Variants in STX5 observed in about 807,000 individuals in gnomAD.
The protein encoded by STX5 is syntaxin-5.
STX5 carries 15 observed loss-of-function variants against 42.9 expected under a neutral mutation model. The ratio of observed to expected loss-of-function variants is 0.35; its 90% CI spans 0.23 to 0.54. The LOEUF (loss-of-function observed/expected upper bound fraction) is 0.54. Among genes scored for constraint, STX5 ranks in the 20% least tolerant of loss-of-function variants. The probability of loss-of-function intolerance (pLI) is 0.91; values close to 1 mark genes in which losing one functional copy is unlikely to be tolerated. For missense variants in STX5, 430 were observed against 455.0 expected (o/e 0.95, Z 0.50); for synonymous variants, 184 against 173.2 (o/e 1.06, Z -0.49).
At position 62,816,896 on chromosome 11, in the gene STX5, A is replaced by T. The variant is rs186108997; in HGVS notation, c.908+7270T>A. 2.2e-4 allele frequency among the ~76,000 whole-genome samples: 33 copies of T among 151,940 alleles called. No individual in the cohort carries two copies. The East Asian group carries it at 6.4e-3, about 30-fold the overall frequency. On this transcript the variant is annotated intron_variant, in intron 10 of 10. Coordinates refer to ENST00000294179, the MANE Select transcript of STX5 (RefSeq NM_003164.5). ...GCAACACAGCAAGACTCTGTCTCAA[A>T]AAAAAGAAAGAAAGAGCTGTCTATT...
intron 2 of STX5, 93 bp from the exon 3 acceptor site, chr11:62,827,724 G>T: frequency 7.8e-7 from 1 of 1,281,274 alleles, no homozygotes. Context: ...CCTATCTCTA[G>T]TGCTGGTGGC....
intron 10 of STX5, among the ~76,000 whole-genome samples, chr11:62,820,228 C>T (rs1277393761): frequency 4.0e-5 from 6 of 151,120 alleles, no homozygotes; most frequent in South Asian, 4.2e-4. Context: ...AAAAATTAGC[C>T]GGGCGTGGTG....
chr11:62,814,156 A>G lies in STX5; in HGVS notation c.909-6528T>C, dbSNP rs573155143. 5.3e-5 allele frequency among the ~76,000 whole-genome samples: 8 copies of G among 152,252 alleles called. No individual in the cohort carries two copies. The East Asian group carries it at 1.2e-3, about 22-fold the overall frequency. On this transcript the variant is annotated intron_variant, in intron 10 of 10. Coordinates refer to ENST00000294179, the MANE Select transcript of STX5 (RefSeq NM_003164.5). ...TTAAAGCCTATAGCGATGCTCAGAAAAGAGGAAGAATTTAATTAATTTACT... is the reference window on the plus strand; with the variant it reads ...TTAAAGCCTATAGCGATGCTCAGAAGAGAGGAAGAATTTAATTAATTTACT...
chr11:62,822,675 CTT>C (rs56767185), intron 10 of STX5, among the ~76,000 whole-genome samples: 9 of 129,938 alleles, frequency 6.9e-5, no homozygotes, highest in Admixed American at 7.8e-5. Flanking sequence ...TGTTGACTAT[CTT>C]TTTTTTTTTT....
At position 62,807,384 on chromosome 11, in the gene STX5, C is replaced by T. The variant is rs564338892; in HGVS notation, c.*85G>A. The T allele has an allele frequency of 1.2e-5, 19 of 1,541,704 alleles. No individual in the cohort carries two copies. In the Admixed American group the frequency reaches 3.5e-4, roughly 28 times the overall value. On this transcript the variant is annotated 3_prime_UTR_variant, in exon 11 of 11. Transcript: ENST00000294179. ...AAACAGGGCCTTTCTCCCAAGTACC[C>T]TGCACAGGCTCAGTGGCAGCACTGG...
intron 10 of STX5, among the ~76,000 whole-genome samples, chr11:62,809,490 C>T (rs1263225573): frequency 3.4e-5 from 5 of 148,028 alleles, no homozygotes; most frequent in Admixed American, 1.3e-4. Context: ...CTGGCTAACA[C>T]GGTGAAACCC....
At chr11:62,815,920 G>A (rs533733237) in intron 10 of STX5, 6 of 151,988 alleles carry the variant, frequency 3.9e-5, no homozygotes, top group Admixed American at 1.3e-4. Flanking sequence ...AATAAATTGC[G>A]TGTCTTGGGG....
chr11:62,825,169 G>T, intron 7 of STX5, 52 bp from the exon 8 acceptor site: 1 of 1,611,736 alleles, frequency 6.2e-7, no homozygotes, highest in South Asian at 1.1e-5. Flanking sequence ...AAGCAGGCAT[G>T]TTAAAGAGAC....
chr11:62,815,747 G>T (rs1050187457), intron 10 of STX5, among the ~76,000 whole-genome samples: 3 of 151,880 alleles, frequency 2.0e-5, no homozygotes, highest in Non-Finnish European at 4.4e-5. Context: ...ATGTTGGCCA[G>T]GCTGGTCTCA....
At chr11:62,826,849 C>T (rs1031757229) in intron 5 of STX5, among the ~76,000 whole-genome samples, 3 of 146,202 alleles carry the variant, frequency 2.1e-5, no homozygotes, top group South Asian at 4.3e-4. Context: ...CACTGCACTC[C>T]GGCCTGGGTG....
intron 8 of STX5, 23 bp from the exon 9 acceptor site, chr11:62,824,588 G>T (rs774182397): frequency 1.7e-4 from 266 of 1,609,390 alleles, no homozygotes; most frequent in Non-Finnish European, 2.2e-4. Context: ...ACAGGATGTG[G>T]CACACCTTAA....
chr11:62,812,616 G>T (rs973592337), intron 10 of STX5, among the ~76,000 whole-genome samples: 1 of 151,224 alleles, frequency 6.6e-6, no homozygotes, highest in African/African-American at 2.4e-5. Flanking sequence ...TAGAGATGGG[G>T]TTTCACCGTG....
At chr11:62,815,317 GT>G (rs1372637489) in intron 10 of STX5, among the ~76,000 whole-genome samples, 1 of 151,816 alleles carries the variant, frequency 6.6e-6, no homozygotes, top group East Asian at 1.9e-4. Context: ...ACCGGGTGTG[GT>G]TTTTATTTTA....
At chr11:62,809,287 C>CAAA (rs1174325165) in intron 10 of STX5, among the ~76,000 whole-genome samples, 2 of 62,142 alleles carry the variant, frequency 3.2e-5, no homozygotes, top group Admixed American at 1.8e-4. Flanking sequence ...GACTCCGTCT[C>CAAA]AAAAAAAAAA....
At chr11:62,829,757 C>A (rs1339768508) in intron 2 of STX5, among the ~76,000 whole-genome samples, 2 of 151,284 alleles carry the variant, frequency 1.3e-5, no homozygotes, top group Admixed American at 6.6e-5. Context: ...AGAGTGAGAC[C>A]ATGTTTCCAA....
intron 10 of STX5, among the ~76,000 whole-genome samples, chr11:62,819,594 T>A (rs902836678): frequency 4.6e-5 from 7 of 152,064 alleles, no homozygotes; most frequent in Non-Finnish European, 8.8e-5. Flanking sequence ...CTCTGCTCAC[T>A]GCAACCTCCG....
intron 10 of STX5, among the ~76,000 whole-genome samples, chr11:62,814,627 A>G (rs981996270): frequency 6.7e-6 from 1 of 148,798 alleles, no homozygotes; most frequent in African/African-American, 2.5e-5. Context: ...ACGCTCAGCT[A>G]ATTTTTTTTT....
chr11:62,825,096 G>A lies in STX5; in HGVS notation c.619C>T (p.Arg207Trp), dbSNP rs1180401938. ...RTENLKQQRS[R>W]REQFSRAPVS... ...GGTGCCCGGGAGAACTGCTCTCTCCGGCTCCTCTGCTGCTTCAGGTTCTGG... is the reference window on the plus strand; with the variant it reads ...GGTGCCCGGGAGAACTGCTCTCTCCAGCTCCTCTGCTGCTTCAGGTTCTGG... The change falls in exon 8 of 11, where the codon CGG becomes TGG. Residue 207 changes from arginine (R) to tryptophan (W), a missense_variant. Coordinates refer to ENST00000294179, the MANE Select transcript of STX5 (RefSeq NM_003164.5). 6 of 1,613,480 alleles carry A rather than the reference G, an allele frequency of 3.7e-6. No homozygotes were observed. Among genetic ancestry groups the A allele is most frequent in the Admixed American group, 1.7e-5 (1 of 59,992 alleles).
At chr11:62,817,830 AATAAAT>A (rs1201916275) in intron 10 of STX5, among the ~76,000 whole-genome samples, 3 of 152,218 alleles carry the variant, frequency 2.0e-5, no homozygotes, top group Admixed American at 6.5e-5. Context: ...ATATACATAA[AATAAAT>A]ATAAACTTAT....
Sources: gnomAD v4.1 joint callset for allele counts (sites outside exome capture counted in the v4.1 genomes callset) on GRCh38, gnomAD v4.1.1 for gene constraint, MANE v1.5 for transcripts, NCBI Gene and HGNC (gene_info 2026-07-23, HGNC 2026-07-21) for gene names.